RSF1: variants seen among roughly 807,000 people sequenced by gnomAD.
RSF1 encodes the protein HBV pX-associated protein 8.
Under a neutral mutation model 145.2 loss-of-function variants are expected in RSF1, and 13 were observed. That is an observed-to-expected ratio of 0.09 (90% CI 0.06 to 0.14). The LOEUF (loss-of-function observed/expected upper bound fraction) is 0.14, where lower values mean the gene tolerates loss of function less well. Ranked by LOEUF, RSF1 falls within the 10% of genes least tolerant of loss-of-function variation. RSF1 has a pLI of 1.00. For missense variants in RSF1, 1,517 were observed against 1,718.2 expected (o/e 0.88, Z 2.07); for synonymous variants, 577 against 592.6 (o/e 0.97, Z 0.38).
intron 1 of RSF1, among the ~76,000 whole-genome samples, chr11:77,768,896 T>C (rs1479996800): frequency 6.6e-6 from 1 of 152,202 alleles, no homozygotes; most frequent in African/African-American, 2.4e-5. Flanking sequence ...ATCTACACTT[T>C]TCAGTGCAGT....
chr11:77,689,771 T>C (rs567950409), intron 9 of RSF1, among the ~76,000 whole-genome samples: 1 of 152,290 alleles, frequency 6.6e-6, no homozygotes, highest in South Asian at 2.1e-4. Flanking sequence ...CAGAAATAGA[T>C]TAATTAAAGA....
the RSF1 span, chr11:77,842,590 G>T: frequency 1.2e-6 from 2 of 1,614,022 alleles, no homozygotes; most frequent in African/African-American, 2.7e-5. Flanking sequence ...ATGGCCAGGG[G>T]GTAGTCGGAC....
At chr11:77,813,798 G>C (rs183812704) in intron 1 of RSF1, 1 of 253,990 alleles carries the variant, frequency 3.9e-6, no homozygotes, top group African/African-American at 2.3e-5. Context: ...CTCAAAGAGC[G>C]GCCATTTATA....
intron 2 of RSF1, among the ~76,000 whole-genome samples, chr11:77,752,501 T>C (rs1397786201): frequency 6.6e-6 from 1 of 152,136 alleles, no homozygotes; most frequent in African/African-American, 2.4e-5. Flanking sequence ...TCCCCATCAA[T>C]TCATCTATAA....
chr11:77,702,010 C>G lies in RSF1; in HGVS notation c.1219G>C (p.Val407Leu), dbSNP rs746028366. The change falls in exon 6 of 16, where the codon GTT becomes CTT. Residue 407 changes from valine to leucine, a missense_variant. Val to Leu is a conservative substitution (Grantham distance 32). Coordinates refer to ENST00000308488, the MANE Select transcript of RSF1 (RefSeq NM_016578.4). Reference sequence around the variant, plus strand: ...TTCAAAAACTCTTTTGTTGGAGTAACTGATTTACACAAAGGTCCCTTGACT... The same window carrying G: ...TTCAAAAACTCTTTTGTTGGAGTAAGTGATTTACACAAAGGTCCCTTGACT... Reference protein sequence around the residue: ...SPVKGPLCKSVTPTKEFLKDE... With the variant: ...SPVKGPLCKSLTPTKEFLKDE... 1 of 1,613,974 alleles carries G rather than the reference C, an allele frequency of 6.2e-7. No individual in the cohort carries two copies. The highest frequency in any genetic ancestry group is 8.5e-7 in the Non-Finnish European group (1 of 1,179,942).
chr11:77,813,938 T>C (rs1948757234), intron 1 of RSF1, among the ~76,000 whole-genome samples: 1 of 151,940 alleles, frequency 6.6e-6, no homozygotes. Context: ...CAGTGGCTCA[T>C]GCCTGCAATC....
chr11:77,711,143 TAAAAAAA>T (rs60863404), intron 5 of RSF1, among the ~76,000 whole-genome samples: 1 of 134,526 alleles, frequency 7.4e-6, no homozygotes, highest in Non-Finnish European at 1.6e-5. Context: ...ATTTTTAACT[TAAAAAAA>T]AAAAAAAAAA....
chr11:77,701,563 A>G lies in RSF1; in HGVS notation c.1666T>C (p.Leu556=), dbSNP rs1215255446. ...MAKDLSSKTA[L]SSTESCTMKG... is the part of the protein sequence containing the mutation. The stretch of plus-strand genomic sequence containing the variant: ...ATGGTACACGACTCGGTGGAAGATA[A>G]AGCAGTTTTTGAAGAGAGATCTTTT... Residue 556 remains leucine, a synonymous_variant, in exon 6 of 16, where the codon TTA becomes CTA. Coordinates refer to ENST00000308488, the MANE Select transcript of RSF1 (RefSeq NM_016578.4). 1.2e-6 allele frequency: 2 copies of G among 1,614,010 alleles called. No homozygotes were observed. Among genetic ancestry groups the G allele is most frequent in the South Asian group, 2.2e-5 (2 of 91,062 alleles).
In RSF1 at chr11:77,685,152, G is replaced by A. The variant is rs1959969577; in HGVS notation, c.2908C>T (p.Arg970Cys). 1.9e-6 allele frequency: 3 copies of A among 1,554,638 alleles called. No individual in the cohort carries two copies. The highest frequency in any genetic ancestry group is 1.9e-5 in the Admixed American group (1 of 53,098). The part of the protein sequence containing the change: ...KKERAERRKE[R>C]LVYVGISIEN... ...ATACTGATACCAACATACACCAAGC[G>A]TTCTTTTCTTTAGGTGAAAAACAAA... Residue 970 changes from arginine (R) to cysteine (C), a missense_variant, in exon 10 of 16, where the codon CGC becomes TGC. Around this residue, in one of 12 missense-constraint regions of RSF1, gnomAD observed 29 missense variants for 102.3 expected, o/e 0.28. Coordinates refer to ENST00000308488, the MANE Select transcript of RSF1 (RefSeq NM_016578.4).
intron 1 of RSF1, among the ~76,000 whole-genome samples, chr11:77,810,425 C>A (rs534787745): frequency 1.5e-4 from 23 of 152,298 alleles, no homozygotes; most frequent in African/African-American, 5.3e-4. Flanking sequence ...ACTCACCTAA[C>A]CCAAGAGGAG....
chr11:77,709,174 G>C (rs193106671), intron 5 of RSF1, among the ~76,000 whole-genome samples: 119 of 152,020 alleles, frequency 7.8e-4, no homozygotes, highest in African/African-American at 2.7e-3. Context: ...GATCCTTTAG[G>C]ACTCTACTCA....
At chr11:77,712,093 A>G (rs1960700136) in intron 5 of RSF1, among the ~76,000 whole-genome samples, 2 of 152,214 alleles carry the variant, frequency 1.3e-5, no homozygotes, top group African/African-American at 2.4e-5. Flanking sequence ...CATGATGTCA[A>G]TATACCTGAT....
the RSF1 span, among the ~76,000 whole-genome samples, chr11:77,838,907 C>T: frequency 0.021 from 3,150 of 152,258 alleles, 99 homozygotes; most frequent in African/African-American, 0.071. Context: ...TGAGCCACCG[C>T]GCCCAGCAAT....
At chr11:77,791,816 AG>A (rs1348726957) in intron 1 of RSF1, among the ~76,000 whole-genome samples, 1 of 152,176 alleles carries the variant, frequency 6.6e-6, no homozygotes, top group African/African-American at 2.4e-5. Flanking sequence ...TATCGCTATC[AG>A]GCTTTTGGTC....
chr11:77,766,750 G>C (rs778899880), intron 1 of RSF1, among the ~76,000 whole-genome samples: 2 of 152,212 alleles, frequency 1.3e-5, no homozygotes, highest in African/African-American at 4.8e-5. Context: ...GTTTAAGCAG[G>C]AGAGTCTGTT....
At chr11:77,768,265 C>A (rs1392385725) in intron 1 of RSF1, among the ~76,000 whole-genome samples, 1 of 148,366 alleles carries the variant, frequency 6.7e-6, no homozygotes, top group African/African-American at 2.5e-5. Flanking sequence ...CGGGTTCAAG[C>A]GATTCTCCTG....
intron 4 of RSF1, chr11:77,734,693 T>A (rs1961295947): frequency 7.1e-7 from 1 of 1,410,500 alleles, no homozygotes; most frequent in Non-Finnish European, 9.9e-7. Context: ...AGTGACTGAT[T>A]CACATTTTTT....
intron 11 of RSF1, among the ~76,000 whole-genome samples, chr11:77,682,141 T>C (rs188844051): frequency 3.6e-4 from 55 of 152,276 alleles, no homozygotes; most frequent in Middle Eastern, 3.4e-3. Flanking sequence ...AACTTTTTAT[T>C]TTTTGAAGTA....
At chr11:77,785,696 A>G (rs1948447285) in intron 1 of RSF1, among the ~76,000 whole-genome samples, 1 of 152,012 alleles carries the variant, frequency 6.6e-6, no homozygotes, top group Non-Finnish European at 1.5e-5. Context: ...TTACGCCTGT[A>G]ATCCCAGCAC....
Sources: gnomAD v4.1 joint callset for allele counts (sites outside exome capture counted in the v4.1 genomes callset) on GRCh38, gnomAD v4.1.1 for gene constraint, gnomAD v4.1.1 regional missense constraint, MANE v1.5 for transcripts, NCBI Gene and HGNC (gene_info 2026-07-23, HGNC 2026-07-21) for gene names.